The following KLF8 variants were observed in gnomAD, a reference collection of about 807,000 sequenced individuals.
The protein encoded by KLF8 is KLF transcription factor 8, also known as Krueppel-like factor 8.
In KLF8, 10 loss-of-function variants were observed where a neutral mutation model predicts 18.2. The ratio of observed to expected loss-of-function variants is 0.55; its 90% CI spans 0.34 to 0.93. The LOEUF is 0.93. Ranked by LOEUF, KLF8 falls within the 40% of genes least tolerant of loss-of-function variation. The pLI, the probability that KLF8 is intolerant of heterozygous loss-of-function variation, is 0.02. For missense variants in KLF8, 264 were observed against 277.9 expected (o/e 0.95, Z 0.36); for synonymous variants, 109 against 97.3 (o/e 1.12, Z -0.71).
chrX:55,946,987 G>A, the KLF8 span, among the ~76,000 whole-genome samples: 2 of 111,557 alleles, frequency 1.8e-5, no homozygotes, highest in African/African-American at 6.5e-5. Flanking sequence ...TCAGGAAACA[G>A]CAGGTGCTGG....
the KLF8 span, among the ~76,000 whole-genome samples, chrX:56,055,689 C>G: frequency 8.9e-6 from 1 of 111,918 alleles, no homozygotes; most frequent in Admixed American, 9.5e-5. Flanking sequence ...CTCCATCTTT[C>G]TCAGGGACTT....
At chrX:56,029,573 C>A in the KLF8 span, among the ~76,000 whole-genome samples, 1 of 111,776 alleles carries the variant, frequency 8.9e-6, no homozygotes, top group Non-Finnish European at 1.9e-5. Flanking sequence ...GTCATCCTGA[C>A]CATGGGCTCC....
At chrX:56,067,116 C>G in the KLF8 span, among the ~76,000 whole-genome samples, 1 of 107,490 alleles carries the variant, frequency 9.3e-6, no homozygotes, top group African/African-American at 3.4e-5. Flanking sequence ...TAGGTGATCT[C>G]TTCAAGATGA....
chrX:56,132,661 C>T, the KLF8 span, among the ~76,000 whole-genome samples: 1 of 110,877 alleles, frequency 9.0e-6, no homozygotes, highest in Non-Finnish European at 1.9e-5. Flanking sequence ...AAAGAAATAA[C>T]AAAGATCAGA....
chrX:56,086,158 C>T, the KLF8 span, among the ~76,000 whole-genome samples: 1 of 112,059 alleles, frequency 8.9e-6, no homozygotes, highest in Non-Finnish European at 1.9e-5. Flanking sequence ...GGGACGGGTA[C>T]AAGGAAGCAA....
At chrX:56,187,307 C>G in the KLF8 span, among the ~76,000 whole-genome samples, 2 of 111,784 alleles carry the variant, frequency 1.8e-5, no homozygotes, top group South Asian at 3.7e-4. Context: ...CATACACCCT[C>G]CCAAGACTAA....
chrX:56,037,968 T>A, the KLF8 span, among the ~76,000 whole-genome samples: 3 of 111,729 alleles, frequency 2.7e-5, no homozygotes, highest in Non-Finnish European at 5.6e-5. Context: ...TCCCCACCAC[T>A]TCCAGCCCCT....
the KLF8 span, among the ~76,000 whole-genome samples, chrX:56,178,537 T>C: frequency 1.8e-5 from 2 of 112,491 alleles, no homozygotes; most frequent in East Asian, 5.6e-4. Context: ...CTTTTGGTGT[T>C]TTAGTCAGGA....
chrX:56,227,589 C>T (rs1006164204), upstream of KLF8, among the ~76,000 whole-genome samples: 3 of 111,244 alleles, frequency 2.7e-5, no homozygotes, highest in Non-Finnish European at 5.7e-5. Context: ...GTGATGAATC[C>T]GCCTTGGCCT....
chrX:56,172,060 C>A, the KLF8 span, among the ~76,000 whole-genome samples: 1 of 110,981 alleles, frequency 9.0e-6, no homozygotes, highest in African/African-American at 3.3e-5. Context: ...TTAATGATTG[C>A]CATTCTAACT....
chrX:56,137,256 T>C, the KLF8 span, among the ~76,000 whole-genome samples: 1 of 109,085 alleles, frequency 9.2e-6, no homozygotes, highest in Non-Finnish European at 1.9e-5. Context: ...CATTACTGGG[T>C]ATATACCCAA....
chrX:56,008,062 G>A, the KLF8 span, among the ~76,000 whole-genome samples: 152 of 109,458 alleles, frequency 1.4e-3, 1 homozygote, highest in East Asian at 0.039. Flanking sequence ...AATATTTTGA[G>A]ATTACTCTAA....
the KLF8 span, among the ~76,000 whole-genome samples, chrX:56,152,846 A>C: frequency 3.6e-3 from 399 of 112,273 alleles, 1 homozygote; most frequent in African/African-American, 0.013. Flanking sequence ...TACTATGCCC[A>C]GTAAGCCTTA....
chrX:56,174,525 G>A, the KLF8 span, among the ~76,000 whole-genome samples: 1 of 111,707 alleles, frequency 9.0e-6, no homozygotes, highest in Non-Finnish European at 1.9e-5. Context: ...TTTTTGCATC[G>A]ATGTTCATCA....
At chrX:56,126,718 C>T in the KLF8 span, among the ~76,000 whole-genome samples, 312 of 105,500 alleles carry the variant, frequency 3.0e-3, no homozygotes, top group African/African-American at 1.0e-2. Context: ...ATATGGCTCA[C>T]TTTCTTTCTC....
the KLF8 span, among the ~76,000 whole-genome samples, chrX:55,913,589 C>G: frequency 9.0e-6 from 1 of 111,483 alleles, no homozygotes; most frequent in Non-Finnish European, 1.9e-5. Flanking sequence ...AGAACAGATT[C>G]TTCCTTCACA....
At chrX:56,219,361 C>G in the KLF8 span, among the ~76,000 whole-genome samples, 1 of 110,523 alleles carries the variant, frequency 9.0e-6, no homozygotes, top group East Asian at 2.8e-4. Context: ...GATTAGTGGC[C>G]AATTATGACA....
the KLF8 span, among the ~76,000 whole-genome samples, chrX:56,040,197 C>T: frequency 9.0e-6 from 1 of 111,529 alleles, no homozygotes; most frequent in African/African-American, 3.3e-5. Context: ...TTCCTCTCTT[C>T]CAATTTGTAT....
At chrX:56,075,196 G>T in the KLF8 span, among the ~76,000 whole-genome samples, 65 of 108,902 alleles carry the variant, frequency 6.0e-4, 2 homozygotes, top group South Asian at 0.025. Context: ...CATTCTTTTT[G>T]ATGCTATTGT....
Sources: gnomAD v4.1 joint callset for allele counts (sites outside exome capture counted in the v4.1 genomes callset) on GRCh38, gnomAD v4.1.1 for gene constraint, MANE v1.5 for transcripts, NCBI Gene and HGNC (gene_info 2026-07-23, HGNC 2026-07-21) for gene names.